The following FMNL1 variants were observed in gnomAD, a reference collection of about 807,000 sequenced individuals.
FMNL1 encodes the protein formin like 1, also known as formin-like protein 1.
FMNL1 carries 43 observed loss-of-function variants against 121.3 expected under a neutral mutation model. That is an observed-to-expected ratio of 0.35 (90% CI 0.28 to 0.46). The LOEUF is 0.46. Among genes scored for constraint, FMNL1 ranks in the 20% least tolerant of loss-of-function variants. FMNL1 has a pLI of 1.00. For missense variants in FMNL1, 1,191 were observed against 1,482.4 expected, an observed-to-expected ratio of 0.80 and a Z score of 3.23; for synonymous variants, 613 against 613.5, an observed-to-expected ratio of 1.00 and a Z score of 0.01.
rs2043582444 is a variant in FMNL1, at chr17:45,237,699, T to C, written c.894+60T>C. On this transcript the variant is annotated intron_variant, in intron 9 of 26. Transcript: ENST00000331495. This position sits in a 1 kb window ranked among gnomAD's most constrained non-coding sequence, Gnocchi z 4.4. ...CCTATGGTGTTGCTTGGAGTCTTGT[T>C]GTTGGCAGTTGTGGCCTTTGCTGGA... The C allele has an allele frequency of 6.3e-7, 1 of 1,579,106 alleles. No homozygotes were observed. Among genetic ancestry groups the C allele is most frequent in the African/African-American group, 1.3e-5 (1 of 74,336 alleles).
intron 11 of FMNL1, among the ~76,000 whole-genome samples, chr17:45,239,669 G>A (rs191642907): frequency 6.6e-6 from 1 of 152,070 alleles, no homozygotes; most frequent in African/African-American, 2.4e-5. Context: ...CTGGCGGGGG[G>A]GTCTATCTGT....
In FMNL1 at chr17:45,245,928, G is replaced by A; in HGVS notation, c.3045G>A (p.Glu1015=). Residue 1015 remains glutamate, a synonymous_variant, in exon 24 of 27, where the codon GAG becomes GAA. Coordinates refer to ENST00000331495, the MANE Select transcript of FMNL1 (RefSeq NM_005892.4). The part of the protein sequence containing the change: ...EQWKKEAAAQ[E]AGADTPGKGE... ...GGAAAAAAGAAGCCGCTGCCCAGGAGGCAGGCGCTGATACCCCGGGCAAAG... is the reference window on the plus strand; with the variant it reads ...GGAAAAAAGAAGCCGCTGCCCAGGAAGCAGGCGCTGATACCCCGGGCAAAG... 2 of 1,587,644 alleles carry A rather than the reference G, an allele frequency of 1.3e-6. No individual in the cohort carries two copies. Among genetic ancestry groups the A allele is most frequent in the Non-Finnish European group, 1.7e-6 (2 of 1,171,012 alleles).
chr17:45,236,436 C>T (rs2043551690), intron 7 of FMNL1, 192 bp downstream of exon 7: 9 of 528,160 alleles, frequency 1.7e-5, no homozygotes, highest in Admixed American at 3.4e-5. Flanking sequence ...TTTTTGCTGC[C>T]TCTGTCAGGT....
chr17:45,243,402 C>T, intron 17 of FMNL1, 82 bp downstream of exon 17: 2 of 1,484,906 alleles, frequency 1.3e-6, no homozygotes, highest in Non-Finnish European at 1.8e-6. Context: ...AGTAAAAGAG[C>T]CTCAATGGTG....
chr17:45,243,596 C>A (rs2043759097), intron 17 of FMNL1, among the ~76,000 whole-genome samples, 195 bp from the exon 18 acceptor site: 1 of 152,256 alleles, frequency 6.6e-6, no homozygotes, highest in Non-Finnish European at 1.5e-5. Flanking sequence ...ACGATGGGGA[C>A]CCTGGCTGCC....
chr17:45,246,608 C>T lies in FMNL1; in HGVS notation c.*8+4C>T. The T allele has an allele frequency of 6.3e-7, 1 of 1,583,374 alleles. No homozygotes were observed. The highest frequency in any genetic ancestry group is 8.6e-7 in the Non-Finnish European group (1 of 1,162,120). ...AGATGCCCCTCTAGCCCCTCAGGTA[C>T]CCAGATGACCTGGCCTCTGATACCA... On this transcript the variant is annotated splice_donor_region_variant and intron_variant, in intron 26 of 26. Transcript: ENST00000331495.
rs371444055 is a variant in FMNL1 at position 45,241,251 on chromosome 17, A to G, written c.1332+21A>G. On this transcript the variant is annotated intron_variant, in intron 13 of 26. Transcript: ENST00000331495. This position sits in a 1 kb window ranked among gnomAD's most constrained non-coding sequence, Gnocchi z 7.0. ...TGCGGGTGAGGCTGGGGCGGGTGGTAGGCCAGGCGCCCAAGAACAGGCCAG... is the reference window on the plus strand; with the variant it reads ...TGCGGGTGAGGCTGGGGCGGGTGGTGGGCCAGGCGCCCAAGAACAGGCCAG... The G allele has an allele frequency of 2.7e-4, 441 of 1,613,684 alleles. No individual in the cohort carries two copies. Among genetic ancestry groups the G allele is most frequent in the Non-Finnish European group, 3.6e-4 (420 of 1,179,928 alleles).
At chr17:45,223,602 C>T (rs1408828601) in intron 1 of FMNL1, among the ~76,000 whole-genome samples, 1 of 152,164 alleles carries the variant, frequency 6.6e-6, no homozygotes, top group African/African-American at 2.4e-5. Context: ...CTGCCCTGCT[C>T]CCCGCTCCCC....
In FMNL1 at chr17:45,234,222, G is replaced by T. The variant is rs1037668783; in HGVS notation, c.614+22G>T. ...TCAAGTATGTGGGCCACAAAGTGGG[G>T]TGGTGGGAGAACAGAGAATTCAGCC... On this transcript the variant is annotated intron_variant, in intron 6 of 26. Transcript: ENST00000331495. 28 of 1,613,800 alleles carry T rather than the reference G, an allele frequency of 1.7e-5. No homozygotes were observed. The African/African-American group carries it at 3.5e-4, about 20-fold the overall frequency.
At chr17:45,243,403 C>A in intron 17 of FMNL1, 83 bp downstream of exon 17, 1 of 1,467,102 alleles carries the variant, frequency 6.8e-7, no homozygotes, top group South Asian at 1.2e-5. Context: ...GTAAAAGAGC[C>A]TCAATGGTGA....
Position 45,245,896 on chromosome 17 carries a change from G to A in FMNL1, c.3013G>A (p.Glu1005Lys). The A allele has an allele frequency of 1.3e-6, 2 of 1,594,232 alleles. No homozygotes were observed. Among genetic ancestry groups the A allele is most frequent in the Admixed American group, 1.8e-5 (1 of 54,366 alleles). The change falls in exon 24 of 27, where the codon GAA becomes AAA. Residue 1005 changes from glutamate to lysine, a missense_variant. Glu to Lys is a moderately conservative substitution (Grantham distance 56). This residue lies in a region of FMNL1 where 367 missense variants were observed against 528.6 expected (regional missense o/e 0.69). Transcript: ENST00000331495. ...CCCACAGAAAGCTGAGCAGGAGGTG[G>A]AACAGTGGAAAAAAGAAGCCGCTGC... ...KAYKKAEQEV[E>K]QWKKEAAAQE...
Position 45,222,245 on chromosome 17 carries a change from C to T in FMNL1, c.121C>T (p.Arg41Cys). 1 of 1,223,090 alleles carries T rather than the reference C, an allele frequency of 8.2e-7. No individual in the cohort carries two copies. The allele number at this position is 1,223,090 out of a possible 1,614,324, so 75.8% of individuals were successfully genotyped here. Residue 41 changes from arginine to cysteine, a missense_variant, in exon 1 of 27, where the codon CGC becomes TGC. Arg to Cys is a radical substitution (Grantham distance 180, BLOSUM62 -3). Transcript: ENST00000331495. Reference protein sequence around the residue: ...AAGELEERFNRALNCMNLPPD... With the variant: ...AAGELEERFNCALNCMNLPPD... ...CGGAGAGCTGGAGGAGAGGTTCAAC[C>T]GCGCCCTGGTGAGTGCGACCCGGAG... is the stretch of plus-strand genomic sequence containing the variant.
chr17:45,238,158 A>G (rs1449142451), intron 9 of FMNL1: 2 of 206,054 alleles, frequency 9.7e-6, no homozygotes, highest in Non-Finnish European at 2.0e-5. Context: ...ATTACATAGT[A>G]TGTTAGGAAA....
At chr17:45,227,921 T>C (rs564498280) in intron 1 of FMNL1, among the ~76,000 whole-genome samples, 3 of 152,112 alleles carry the variant, frequency 2.0e-5, no homozygotes, top group Non-Finnish European at 4.4e-5. Flanking sequence ...CTCCAGGTCC[T>C]CCATGTGGCA....
Position 45,233,078 on chromosome 17 carries a change from T to G in FMNL1, c.328-146T>G, listed in dbSNP as rs1038795517. On this transcript the variant is annotated intron_variant, in intron 3 of 26. Transcript: ENST00000331495. This position sits in a 1 kb window ranked among gnomAD's most constrained non-coding sequence, Gnocchi z 4.1. ...GAGTTCTTATTCTGCTGGGCAGGTG[T>G]GTGGAGGTGGTGGGGGAGGCTGAGC... is the stretch of plus-strand genomic sequence containing the variant. 5 of 742,522 alleles carry G rather than the reference T, an allele frequency of 6.7e-6. No homozygotes were observed. In the African/African-American group the frequency reaches 6.9e-5, roughly 10 times the overall value. The allele number at this position is 742,522 out of a possible 1,614,324, so 46.0% of individuals were successfully genotyped here.
intron 6 of FMNL1, among the ~76,000 whole-genome samples, chr17:45,235,728 G>A (rs146163404): frequency 3.3e-5 from 5 of 152,204 alleles, no homozygotes. Context: ...GAAAGTGAGG[G>A]ATAGGGAGAT....
In FMNL1 at chr17:45,233,107, A is replaced by G; in HGVS notation, c.328-117A>G. 2 of 1,000,028 alleles carry G rather than the reference A, an allele frequency of 2.0e-6. No homozygotes were observed. The highest frequency in any genetic ancestry group is 3.1e-6 in the Non-Finnish European group (2 of 649,956). The allele number at this position is 1,000,028 out of a possible 1,614,324, so 61.9% of individuals were successfully genotyped here. A position where few individuals can be genotyped will look rare whatever the true frequency, so the allele number is the denominator to read the frequency against. Reference sequence around the variant, plus strand: ...GAGGTGGTGGGGGAGGCTGAGCATGAAAGGCCACTTGTGCCAGTTGGAGGA... The same window carrying G: ...GAGGTGGTGGGGGAGGCTGAGCATGGAAGGCCACTTGTGCCAGTTGGAGGA... On this transcript the variant is annotated intron_variant, in intron 3 of 26. Transcript: ENST00000331495. The surrounding 1 kb of genome is among the most constrained non-coding windows in gnomAD (Gnocchi z 4.1).
Position 45,241,963 on chromosome 17 carries a change from C to G in FMNL1, c.1702C>G (p.Leu568Val). Reference sequence around the variant, plus strand: ...CTCTGCGCCCCCACAGGCCCCGCCTCTCCCTGGCAGCCCGGAGCCCCCGCC... The same window carrying G: ...CTCTGCGCCCCCACAGGCCCCGCCTGTCCCTGGCAGCCCGGAGCCCCCGCC... ...PPSAPPQAPP[L>V]PGSPEPPPAP... Residue 568 changes from leucine (L) to valine (V), a missense_variant, in exon 15 of 27, where the codon CTC (leucine) becomes GTC (valine). By Grantham distance (32) the Leu-to-Val change is conservative. Coordinates refer to ENST00000331495, the MANE Select transcript of FMNL1 (RefSeq NM_005892.4). This position sits in a 1 kb window ranked among gnomAD's most constrained non-coding sequence, Gnocchi z 7.0. 1 of 1,336,884 alleles carries G rather than the reference C, an allele frequency of 7.5e-7. No individual in the cohort carries two copies. The highest frequency in any genetic ancestry group is 9.5e-7 in the Non-Finnish European group (1 of 1,047,494). The allele number at this position is 1,336,884 out of a possible 1,614,324, so 82.8% of individuals were successfully genotyped here.
Position 45,241,007 on chromosome 17 carries a change from TG to T in FMNL1, c.1231-119del. 1 of 1,278,444 alleles carries T rather than the reference TG, an allele frequency of 7.8e-7. No individual in the cohort carries two copies. Among genetic ancestry groups the T allele is most frequent in the Non-Finnish European group, 1.1e-6 (1 of 905,354 alleles). 79.2% of individuals were successfully genotyped at this position (1,278,444 alleles called of 1,614,324 possible). Reference sequence around the variant, plus strand: ...CCAGGCTCGGCCCACCCTTGGCACCTGGGCTGAGCGGATCTGGGAGCCTCCC... The same window carrying T: ...CCAGGCTCGGCCCACCCTTGGCACCTGGCTGAGCGGATCTGGGAGCCTCCC... On this transcript the variant is annotated intron_variant, in intron 12 of 26. Coordinates refer to ENST00000331495, the MANE Select transcript of FMNL1 (RefSeq NM_005892.4). The surrounding 1 kb of genome is among the most constrained non-coding windows in gnomAD (Gnocchi z 7.0).
Sources: gnomAD v4.1 joint callset for allele counts (sites outside exome capture counted in the v4.1 genomes callset) on GRCh38, gnomAD v4.1.1 for gene constraint, gnomAD v4.1.1 regional missense constraint, Gnocchi (gnomAD v3.1) non-coding constraint, MANE v1.5 for transcripts, NCBI Gene and HGNC (gene_info 2026-07-23, HGNC 2026-07-21) for gene names.